Variants in PEX14 observed in about 807,000 individuals in gnomAD.
The protein encoded by PEX14 is peroxisomal biogenesis factor 14.
Under a neutral mutation model 49.5 loss-of-function variants are expected in PEX14, and 15 were observed. That is an observed-to-expected ratio of 0.30 (90% CI 0.20 to 0.47). PEX14 has a LOEUF of 0.47. PEX14 is among the 20% of genes least tolerant of loss of function. The probability of loss-of-function intolerance (pLI) is 1.00; values close to 1 mark genes in which losing one functional copy is unlikely to be tolerated. For missense variants in PEX14, 398 were observed against 494.8 expected, an observed-to-expected ratio of 0.80 and a Z score of 1.86; for synonymous variants, 210 against 212.7, an observed-to-expected ratio of 0.99 and a Z score of 0.11.
intron 3 of PEX14, among the ~76,000 whole-genome samples, chr1:10,588,946 A>G (rs1480294605): frequency 1.3e-5 from 2 of 152,208 alleles, no homozygotes; most frequent in South Asian, 2.1e-4. Context: ...AAATTTGTGC[A>G]TAGAATGTAC....
chr1:10,518,441 C>T (rs758957850), intron 2 of PEX14, among the ~76,000 whole-genome samples: 4 of 152,262 alleles, frequency 2.6e-5, no homozygotes, highest in Admixed American at 1.3e-4. Flanking sequence ...AGCGTCATCC[C>T]GTTTCACAGA....
At chr1:10,551,908 C>T (rs922447321) in intron 3 of PEX14, among the ~76,000 whole-genome samples, 1 of 151,866 alleles carries the variant, frequency 6.6e-6, no homozygotes, top group Non-Finnish European at 1.5e-5. Context: ...GCTTGGCCAA[C>T]ATGGTGAAAC....
intron 7 of PEX14, among the ~76,000 whole-genome samples, chr1:10,625,995 G>A (rs1641736433): frequency 6.6e-6 from 1 of 152,200 alleles, no homozygotes; most frequent in East Asian, 1.9e-4. Flanking sequence ...ATAAACCAAA[G>A]ACCCAGAGCT....
chr1:10,512,209 C>T lies in PEX14; in HGVS notation c.84+16888C>T, dbSNP rs1014417878. 1.1e-4 allele frequency among the ~76,000 whole-genome samples: 17 copies of T among 152,140 alleles called. No individual in the cohort carries two copies. The highest frequency in any genetic ancestry group is 2.0e-4 in the Admixed American group (3 of 15,262). ...TCCTGACCTCGTGATCTGCCCTCCT[C>T]GGCCTCCCAAAGTGCTGAGATTACA... On this transcript the variant is annotated intron_variant, in intron 2 of 8. Transcript: ENST00000356607. This position sits in a 1 kb window ranked among gnomAD's most constrained non-coding sequence, Gnocchi z 4.6.
At chr1:10,606,024 C>A (rs950176019) in intron 4 of PEX14, among the ~76,000 whole-genome samples, 9 of 152,192 alleles carry the variant, frequency 5.9e-5, no homozygotes, top group African/African-American at 1.9e-4. Context: ...TGGACCATTA[C>A]AAGTCTTTGG....
chr1:10,554,395 A>T (rs1639427039), intron 3 of PEX14, among the ~76,000 whole-genome samples: 1 of 152,082 alleles, frequency 6.6e-6, no homozygotes, highest in Admixed American at 6.5e-5. Flanking sequence ...CTCCAAAATG[A>T]TCAGGACATT....
chr1:10,524,725 A>C (rs1638416746), intron 2 of PEX14, among the ~76,000 whole-genome samples: 1 of 152,058 alleles, frequency 6.6e-6, no homozygotes, highest in Admixed American at 6.6e-5. Flanking sequence ...ACGGGGTCTC[A>C]CTCTGTCACC....
At chr1:10,546,434 G>A (rs985454841) in intron 3 of PEX14, among the ~76,000 whole-genome samples, 1 of 151,902 alleles carries the variant, frequency 6.6e-6, no homozygotes, top group South Asian at 2.1e-4. Context: ...GTGTGGTGAC[G>A]CTTACCTGTA....
In PEX14 at chr1:10,623,050, G is replaced by A. The variant is rs147683525; in HGVS notation, c.416G>A (p.Arg139Gln). ...KYLLPLILGGREDRKQLERME... is the reference protein window; with the variant it reads ...KYLLPLILGGQEDRKQLERME... ...CTGCTCCCCCTCATCCTGGGCGGCC[G>A]AGAGGACAGAAAGCAGCTGGAGAGG... is the stretch of plus-strand genomic sequence containing the variant. Residue 139 changes from arginine (R) to glutamine (Q), a missense_variant, in exon 6 of 9, where the codon CGA becomes CAA. By Grantham distance (43) the Arg-to-Gln change is conservative (BLOSUM62 1). Around this residue, in one of 3 missense-constraint regions of PEX14, gnomAD observed 202 missense variants for 298.5 expected, o/e 0.68. Transcript: ENST00000356607. The surrounding 1 kb of genome is among the most constrained non-coding windows in gnomAD (Gnocchi z 4.4). 5.0e-5 allele frequency: 80 copies of A among 1,613,860 alleles called. No individual in the cohort carries two copies. The African/African-American group carries it at 8.5e-4, about 17-fold the overall frequency.
At chr1:10,577,547 TA>T (rs1640166345) in intron 3 of PEX14, among the ~76,000 whole-genome samples, 3 of 9,246 alleles carry the variant, frequency 3.2e-4, no homozygotes, top group Admixed American at 2.2e-3. Context: ...TATATATATA[TA>T]TATATATATA....
chr1:10,555,257 T>C (rs1639452682), intron 3 of PEX14, among the ~76,000 whole-genome samples: 1 of 152,078 alleles, frequency 6.6e-6, no homozygotes, highest in Non-Finnish European at 1.5e-5. Flanking sequence ...AAATTTTAAA[T>C]TAAAAAAATT....
Position 10,595,355 on chromosome 1 carries a change from T to C in PEX14, c.170-3883T>C, listed in dbSNP as rs376192232. Among the ~76,000 whole-genome samples the C allele has an allele frequency of 2.6e-5, 4 of 152,330 alleles. No individual in the cohort carries two copies. In the East Asian group the frequency reaches 7.7e-4, roughly 29 times the overall value. The stretch of plus-strand genomic sequence containing the variant: ...AAGCTCCCTCGTCCCTTTCTCCTCC[T>C]TTTGACTAGAGCTAGTGGGTGGAGA... On this transcript the variant is annotated intron_variant, in intron 3 of 8. Transcript: ENST00000356607.
Position 10,629,552 on chromosome 1 carries a change from A to C in PEX14, c.699A>C (p.Pro233=), listed in dbSNP as rs758943034. The C allele has an allele frequency of 9.9e-6, 16 of 1,613,392 alleles. No homozygotes were observed. The African/African-American group carries it at 2.0e-4, about 20-fold the overall frequency. Residue 233 remains proline, a synonymous_variant, in exon 9 of 9, where the codon CCA becomes CCC. Coordinates refer to ENST00000356607, the MANE Select transcript of PEX14 (RefSeq NM_004565.3). This position sits in a 1 kb window ranked among gnomAD's most constrained non-coding sequence, Gnocchi z 8.5. The part of the protein sequence containing the change: ...LLNRRQFPPS[P]SAPKIPSWQI... ...CTAGGAGGCAGTTCCCTCCATCCCC[A>C]TCAGCCCCGAAGATCCCCTCCTGGC...
intron 1 of PEX14, among the ~76,000 whole-genome samples, chr1:10,491,308 C>G (rs147964123): frequency 0.011 from 1,720 of 152,208 alleles, 34 homozygotes; most frequent in Non-Finnish European, 0.011. Context: ...GACTGTGGCT[C>G]TGGGAAGCCA....
chr1:10,476,872 T>C (rs1449831091), intron 1 of PEX14, among the ~76,000 whole-genome samples: 1 of 152,138 alleles, frequency 6.6e-6, no homozygotes, highest in Admixed American at 6.6e-5. Context: ...GCCACTGTTA[T>C]GCCCAAGGAT....
intron 2 of PEX14, among the ~76,000 whole-genome samples, chr1:10,504,552 A>G (rs1641745912): frequency 6.6e-6 from 1 of 152,018 alleles, no homozygotes. Context: ...TGGGTCAGCG[A>G]TCATTCCCTT....
chr1:10,616,973 A>G (rs1641441083), intron 4 of PEX14: 1 of 151,490 alleles, frequency 6.6e-6, no homozygotes, highest in African/African-American at 2.4e-5. Context: ...CAATATGGTG[A>G]CCTCCTGGAG....
intron 1 of PEX14, among the ~76,000 whole-genome samples, chr1:10,478,216 C>T (rs1641228948): frequency 1.3e-5 from 2 of 152,094 alleles, no homozygotes; most frequent in African/African-American, 4.8e-5. Context: ...GTAAAAATGC[C>T]AGAACAGTGC....
chr1:10,536,347 T>C (rs1263348443), intron 3 of PEX14, 50 bp downstream of exon 3: 4 of 1,121,092 alleles, frequency 3.6e-6, no homozygotes, highest in Non-Finnish European at 4.1e-6. Flanking sequence ...GGACTGGGGC[T>C]GGGGCAGATG....
Sources: allele counts gnomAD v4.1 joint callset (sites outside exome capture counted in the v4.1 genomes callset), GRCh38; gene constraint gnomAD v4.1.1; regional missense constraint gnomAD v4.1.1; non-coding constraint Gnocchi (gnomAD v3.1); transcripts MANE v1.5; gene names NCBI Gene and HGNC (gene_info 2026-07-23, HGNC 2026-07-21).